The following LDLRAD3 variants were observed in gnomAD, a reference collection of about 807,000 sequenced individuals.
LDLRAD3 encodes the protein low-density lipoprotein receptor class A domain-containing protein 3.
In LDLRAD3, 20 loss-of-function variants were observed where a neutral mutation model predicts 29.4. The observed-to-expected ratio is 0.68, with a 90% CI of 0.48 to 0.99. The LOEUF is 0.99. Among genes scored for constraint, LDLRAD3 ranks in the 50% least tolerant of loss-of-function variants. LDLRAD3 has a pLI of 0.00. For missense variants in LDLRAD3, 420 were observed against 454.3 expected (o/e 0.92, Z 0.69); for synonymous variants, 157 against 192.7 (o/e 0.81, Z 1.53).
intron 3 of LDLRAD3, 31 bp downstream of exon 3, chr11:36,081,809 C>G (rs375581057): frequency 3.1e-6 from 5 of 1,610,398 alleles, no homozygotes; most frequent in Admixed American, 1.7e-5. Flanking sequence ...CACTGTGATC[C>G]CTTGTTCTTT....
chr11:36,098,642 A>G (rs543408618), intron 4 of LDLRAD3, among the ~76,000 whole-genome samples, 181 bp downstream of exon 4: 1 of 152,374 alleles, frequency 6.6e-6, no homozygotes, highest in Admixed American at 6.5e-5. Context: ...TTTAACTACA[A>G]CACACCTACC....
intron 4 of LDLRAD3, among the ~76,000 whole-genome samples, chr11:36,124,849 G>A (rs1159273300): frequency 6.6e-6 from 1 of 151,958 alleles, no homozygotes; most frequent in Non-Finnish European, 1.5e-5. Context: ...GTGCCACCAT[G>A]CCCAGCTAAT....
At chr11:36,078,657 C>T (rs892076544) in intron 2 of LDLRAD3, among the ~76,000 whole-genome samples, 1 of 152,304 alleles carries the variant, frequency 6.6e-6, no homozygotes, top group African/African-American at 2.4e-5. Context: ...GTGGCTGCAG[C>T]CATGCCCAGA....
At chr11:36,057,695 C>G (rs1229974455) in intron 2 of LDLRAD3, among the ~76,000 whole-genome samples, 1 of 152,226 alleles carries the variant, frequency 6.6e-6, no homozygotes, top group African/African-American at 2.4e-5. Flanking sequence ...GTCTTCCTCC[C>G]TGGATCGTCA....
chr11:36,006,463 G>A (rs978073160), intron 1 of LDLRAD3, among the ~76,000 whole-genome samples: 1 of 152,212 alleles, frequency 6.6e-6, no homozygotes, highest in Non-Finnish European at 1.5e-5. Context: ...CATATACGAA[G>A]TAGGAGTTAC....
At chr11:36,153,152 C>T (rs1027353385) in intron 4 of LDLRAD3, among the ~76,000 whole-genome samples, 20 of 151,920 alleles carry the variant, frequency 1.3e-4, no homozygotes, top group East Asian at 1.9e-4. Flanking sequence ...TGGAGGACGC[C>T]GAGAGATGCC....
intron 4 of LDLRAD3, among the ~76,000 whole-genome samples, chr11:36,131,974 C>T (rs1379637144): frequency 1.3e-5 from 2 of 152,094 alleles, no homozygotes; most frequent in Non-Finnish European, 2.9e-5. Flanking sequence ...TGGATTTCCC[C>T]TGCTTGGGGC....
intron 1 of LDLRAD3, among the ~76,000 whole-genome samples, chr11:36,000,847 A>G (rs1034834356): frequency 6.6e-6 from 1 of 152,044 alleles, no homozygotes; most frequent in African/African-American, 2.4e-5. Context: ...AGGCTGCTGT[A>G]GTGGTTCCAG....
intron 4 of LDLRAD3, among the ~76,000 whole-genome samples, chr11:36,188,817 A>C (rs1854894888): frequency 6.6e-6 from 1 of 152,162 alleles, no homozygotes; most frequent in South Asian, 2.1e-4. Flanking sequence ...CCTTTTCCTC[A>C]AGTCAGGTCC....
At chr11:36,004,557 G>C (rs866716462) in intron 1 of LDLRAD3, among the ~76,000 whole-genome samples, 1 of 152,200 alleles carries the variant, frequency 6.6e-6, no homozygotes, top group African/African-American at 2.4e-5. Flanking sequence ...CAGGTGCATA[G>C]TGCAAGCAAT....
chr11:36,168,827 C>T (rs1045939190), intron 4 of LDLRAD3, among the ~76,000 whole-genome samples: 1 of 152,038 alleles, frequency 6.6e-6, no homozygotes, highest in Admixed American at 6.6e-5. Flanking sequence ...ATCAGACTTC[C>T]AGATGTTGTG....
chr11:36,093,080 T>C (rs887863092), intron 3 of LDLRAD3, among the ~76,000 whole-genome samples: 1 of 152,174 alleles, frequency 6.6e-6, no homozygotes, highest in Non-Finnish European at 1.5e-5. Flanking sequence ...TGAAAGATAC[T>C]AAATATTAAG....
intron 4 of LDLRAD3, among the ~76,000 whole-genome samples, chr11:36,188,869 G>A (rs1590341721): frequency 6.6e-6 from 1 of 152,026 alleles, no homozygotes; most frequent in Admixed American, 6.5e-5. Context: ...CTAAGCAGGA[G>A]TTTATAAAAG....
At chr11:36,147,727 T>C (rs1461931717) in intron 4 of LDLRAD3, among the ~76,000 whole-genome samples, 1 of 152,230 alleles carries the variant, frequency 6.6e-6, no homozygotes, top group African/African-American at 2.4e-5. Flanking sequence ...GCCAGACTCC[T>C]GTGATTCTGA....
chr11:35,999,410 G>A (rs893454574), intron 1 of LDLRAD3, among the ~76,000 whole-genome samples: 1 of 152,154 alleles, frequency 6.6e-6, no homozygotes, highest in Non-Finnish European at 1.5e-5. Flanking sequence ...CGGAGAAACG[G>A]CGTTTAAAGC....
intron 4 of LDLRAD3, among the ~76,000 whole-genome samples, chr11:36,199,579 A>ACG (rs1208849634): frequency 7.3e-5 from 11 of 150,390 alleles, no homozygotes; most frequent in African/African-American, 2.7e-4. Context: ...ACACACACAC[A>ACG]CACACACACG....
chr11:36,043,883 A>T (rs539349714), intron 2 of LDLRAD3, among the ~76,000 whole-genome samples: 50 of 152,300 alleles, frequency 3.3e-4, no homozygotes, highest in African/African-American at 1.1e-3. Context: ...TGTCCATTAA[A>T]CACTTCAGAA....
intron 4 of LDLRAD3, among the ~76,000 whole-genome samples, chr11:36,188,837 GC>G (rs1854895320): frequency 6.6e-6 from 1 of 152,150 alleles, no homozygotes; most frequent in Non-Finnish European, 1.5e-5. Context: ...CCAGAACACA[GC>G]CAGCCAGGCT....
chr11:36,157,780 G>A (rs1264907736), intron 4 of LDLRAD3, among the ~76,000 whole-genome samples: 1 of 152,198 alleles, frequency 6.6e-6, no homozygotes, highest in Non-Finnish European at 1.5e-5. Context: ...GCTGAGACAG[G>A]CAAGGTCTGG....
Sources: gnomAD v4.1 joint callset for allele counts (sites outside exome capture counted in the v4.1 genomes callset) on GRCh38, gnomAD v4.1.1 for gene constraint, MANE v1.5 for transcripts, NCBI Gene and HGNC (gene_info 2026-07-23, HGNC 2026-07-21) for gene names.